Variants in SMG6 observed in about 807,000 individuals in gnomAD.
The protein encoded by SMG6 is telomerase-binding protein EST1A.
Under a neutral mutation model 142.2 loss-of-function variants are expected in SMG6, and 66 were observed. The ratio of observed to expected loss-of-function variants is 0.46; its 90% CI spans 0.38 to 0.57. The LOEUF is 0.57. Among genes scored for constraint, SMG6 ranks in the 20% least tolerant of loss-of-function variants. The pLI is 0.00. For synonymous variants in SMG6, 779 were observed against 702.4 expected, an observed-to-expected ratio of 1.11 and a Z score of -1.72; for missense variants, 1,793 against 1,832.0, an observed-to-expected ratio of 0.98 and a Z score of 0.39.
At chr17:2,103,221 G>A (rs1238966602) in intron 13 of SMG6, among the ~76,000 whole-genome samples, 2 of 152,148 alleles carry the variant, frequency 1.3e-5, no homozygotes, top group African/African-American at 4.8e-5. Flanking sequence ...TTGGAAAGGA[G>A]GAAAGGATCG....
intron 8 of SMG6, chr17:2,255,786 T>C (rs1226646094): frequency 9.3e-6 from 2 of 216,032 alleles, no homozygotes; most frequent in Non-Finnish European, 1.8e-5. Flanking sequence ...ATTGTTGCTG[T>C]GTCTGTGTGG....
intron 1 of SMG6, chr17:2,302,986 G>C (rs2075317799): frequency 1.0e-6 from 1 of 985,474 alleles, no homozygotes. Context: ...TAACGCAGGA[G>C]AGGTGAGACA....
At chr17:2,190,083 G>A (rs73296752) in intron 10 of SMG6, among the ~76,000 whole-genome samples, 2,625 of 152,294 alleles carry the variant, frequency 0.017, 77 homozygotes, top group African/African-American at 0.061. Flanking sequence ...AAGCAGGAAA[G>A]GGGGAGATAT....
chr17:2,248,910 A>G (rs1176003290), intron 8 of SMG6, among the ~76,000 whole-genome samples: 13 of 151,486 alleles, frequency 8.6e-5, no homozygotes, highest in Non-Finnish European at 1.5e-4. Context: ...TTTTTGAGAC[A>G]GAGTCTTGCT....
chr17:2,161,399 C>T (rs540154795), intron 13 of SMG6, among the ~76,000 whole-genome samples: 1 of 152,060 alleles, frequency 6.6e-6, no homozygotes, highest in South Asian at 2.1e-4. Flanking sequence ...GCCACCAATC[C>T]CGGCCTTTAT....
chr17:2,288,808 G>A (rs982745178), intron 6 of SMG6, among the ~76,000 whole-genome samples: 7 of 151,636 alleles, frequency 4.6e-5, no homozygotes, highest in African/African-American at 4.8e-5. Flanking sequence ...AGCCAGGCGC[G>A]GTGGCTCACG....
intron 8 of SMG6, among the ~76,000 whole-genome samples, chr17:2,249,591 T>C (rs2074002791): frequency 6.6e-6 from 1 of 152,198 alleles, no homozygotes; most frequent in Admixed American, 6.5e-5. Flanking sequence ...CCCAAAGTGC[T>C]CAGATCACAG....
At chr17:2,082,247 CTG>C (rs2068445692) in intron 14 of SMG6, 3 of 353,056 alleles carry the variant, frequency 8.5e-6, no homozygotes, top group African/African-American at 4.0e-5. Context: ...TACTCACACT[CTG>C]TGTTCTTCCT....
Position 2,303,649 on chromosome 17 carries a change from C to G in SMG6, c.72G>C (p.Pro24=). The G allele has an allele frequency of 6.1e-6, 9 of 1,487,158 alleles. No homozygotes were observed. Among genetic ancestry groups the G allele is most frequent in the Non-Finnish European group, 8.0e-6 (9 of 1,125,308 alleles). 92.1% of individuals were successfully genotyped at this position (1,487,158 alleles called of 1,614,324 possible). ...ELRGILATLA[P]QAGSRENMKE... is the part of the protein sequence containing the mutation. Reference sequence around the variant, plus strand: ...GCGACTCACCTCTGCTCCCGGCCTGCGGGGCCAGAGTAGCCAGGATCCCGC... The same window carrying G: ...GCGACTCACCTCTGCTCCCGGCCTGGGGGGCCAGAGTAGCCAGGATCCCGC... The change falls in exon 1 of 19, where the codon CCG becomes CCC. Residue 24 remains proline, a synonymous_variant. Transcript: ENST00000263073.
At chr17:2,269,062 G>C (rs149657869) in intron 8 of SMG6, among the ~76,000 whole-genome samples, 4,022 of 151,784 alleles carry the variant, frequency 0.026, 77 homozygotes, top group Middle Eastern at 0.055. Context: ...AAATTAGCTG[G>C]GCATGTTGGC....
At chr17:2,224,385 TAAG>T (rs1276219345) in intron 10 of SMG6, among the ~76,000 whole-genome samples, 2 of 151,970 alleles carry the variant, frequency 1.3e-5, no homozygotes, top group Non-Finnish European at 2.9e-5. Context: ...ATTTGGGAAA[TAAG>T]AAACCATAAA....
intron 18 of SMG6, among the ~76,000 whole-genome samples, chr17:2,064,153 G>C (rs1483454934): frequency 6.6e-6 from 1 of 152,170 alleles, no homozygotes; most frequent in Admixed American, 6.5e-5. Flanking sequence ...AGAAAGGAGA[G>C]AGCAGCAGAG....
At chr17:2,273,969 A>T (rs1373061565) in intron 8 of SMG6, among the ~76,000 whole-genome samples, 1 of 152,258 alleles carries the variant, frequency 6.6e-6, no homozygotes, top group African/African-American at 2.4e-5. Context: ...AACCACCACA[A>T]ATAACAAGAA....
intron 2 of SMG6, 72 bp downstream of exon 2, chr17:2,298,834 C>A: frequency 6.9e-7 from 1 of 1,441,894 alleles, no homozygotes; most frequent in Non-Finnish European, 9.4e-7. Flanking sequence ...TTTCTACCTT[C>A]CTCAGCCATA....
chr17:2,194,313 A>G (rs1181297174), intron 10 of SMG6, among the ~76,000 whole-genome samples: 1 of 152,238 alleles, frequency 6.6e-6, no homozygotes, highest in Non-Finnish European at 1.5e-5. Flanking sequence ...GCAATGAGTG[A>G]ATATTTTATA....
chr17:2,228,642 C>T (rs974432236), intron 10 of SMG6, among the ~76,000 whole-genome samples: 1 of 152,208 alleles, frequency 6.6e-6, no homozygotes, highest in Non-Finnish European at 1.5e-5. Context: ...GGATTACAGG[C>T]GCAAGCCACC....
Position 2,299,078 on chromosome 17 carries a change from G to C in SMG6, c.1675C>G (p.Leu559Val). The change falls in exon 2 of 19, where the codon CTA (leucine) becomes GTA (valine). Residue 559 changes from leucine (L) to valine (V), a missense_variant. Transcript: ENST00000263073. This position sits in a 1 kb window ranked among gnomAD's most constrained non-coding sequence, Gnocchi z 4.3. Reference protein sequence around the residue: ...TPSGQYVCSPLPTSTMSPEEV... With the variant: ...TPSGQYVCSPVPTSTMSPEEV... ...TCGGGACTCATGGTGCTGGTAGGTA[G>C]AGGGCTACACACATACTGTCCTGAC... 6.2e-7 allele frequency: 1 copy of C among 1,614,226 alleles called. No individual in the cohort carries two copies. The highest frequency in any genetic ancestry group is 1.1e-5 in the South Asian group (1 of 91,082).
rs558062694 is a variant in SMG6 at position 2,065,292 on chromosome 17, G to T, written c.4048-138C>A. ...TCCCATGCATGCGCTGGCCCTGCCT[G>T]GCCTGATCTGACTGTGCTACGAGTG... On this transcript the variant is annotated intron_variant, in intron 17 of 18. Coordinates refer to ENST00000263073, the MANE Select transcript of SMG6 (RefSeq NM_017575.5). The T allele has an allele frequency of 2.0e-5, 20 of 981,892 alleles. No homozygotes were observed. In the African/African-American group the frequency reaches 2.9e-4, roughly 14 times the overall value. The allele number at this position is 981,892 out of a possible 1,614,324, so 60.8% of individuals were successfully genotyped here. A position where few individuals can be genotyped will look rare whatever the true frequency, so the allele number is the denominator to read the frequency against.
In SMG6 at chr17:2,065,666, C is replaced by T; in HGVS notation, c.3849G>A (p.Leu1283=). The change falls in exon 17 of 19, where the codon CTG becomes CTA. Residue 1283 remains leucine, a synonymous_variant. Transcript: ENST00000263073. ...LVVPLIVINE[L]DGLAKGQETD... is the part of the protein sequence containing the mutation. The stretch of plus-strand genomic sequence containing the variant: ...TCTCCTGCCCCTTGGCCAGGCCGTC[C>T]AGCTCATTGATCACTGATGAGATAG... 2 of 1,612,724 alleles carry T rather than the reference C, an allele frequency of 1.2e-6. No individual in the cohort carries two copies. The highest frequency in any genetic ancestry group is 1.1e-5 in the South Asian group (1 of 91,066).
Sources: gnomAD v4.1 joint callset for allele counts (sites outside exome capture counted in the v4.1 genomes callset) on GRCh38, gnomAD v4.1.1 for gene constraint, Gnocchi (gnomAD v3.1) non-coding constraint, MANE v1.5 for transcripts, NCBI Gene and HGNC (gene_info 2026-07-23, HGNC 2026-07-21) for gene names.